The following CD34 variants were observed in gnomAD, a reference collection of about 807,000 sequenced individuals.
The protein encoded by CD34 is CD34 molecule, also known as hematopoietic progenitor cell antigen CD34.
A neutral mutation model predicts 40.1 loss-of-function variants in CD34; 34 were observed. The observed-to-expected ratio is 0.85, with a 90% confidence interval of 0.65 to 1.13. CD34 has a LOEUF of 1.13. CD34 is among the 50% of genes most tolerant of loss of function. The pLI is 0.00. For missense variants in CD34, 426 were observed against 466.9 expected (o/e 0.91, Z 0.81); for synonymous variants, 209 against 190.0 (o/e 1.10, Z -0.82).
chr1:207,901,641 A>C (rs1349289936), intron 1 of CD34, among the ~76,000 whole-genome samples: 2 of 152,238 alleles, frequency 1.3e-5, no homozygotes, highest in East Asian at 3.8e-4. Flanking sequence ...TCCCAAATTG[A>C]AACTTGGCCT....
intron 4 of CD34, 118 bp downstream of exon 4, chr1:207,897,375 A>G (rs1662171326): frequency 1.4e-6 from 1 of 733,190 alleles, no homozygotes; most frequent in South Asian, 1.7e-5. Flanking sequence ...TGACCAAGCT[A>G]AACTCCCCGG....
intron 4 of CD34, among the ~76,000 whole-genome samples, chr1:207,894,347 T>C (rs1363872685): frequency 1.3e-5 from 2 of 151,872 alleles, no homozygotes; most frequent in Non-Finnish European, 2.9e-5. Context: ...GTACCTAGAG[T>C]AGGCAAAGTC....
chr1:207,910,700 CAG>C (rs58881736), intron 1 of CD34, among the ~76,000 whole-genome samples: 21,432 of 152,052 alleles, frequency 0.14, 2,542 homozygotes, highest in African/African-American at 0.32. Flanking sequence ...CTCTGGCAAC[CAG>C]AAGAGACCCT....
intron 4 of CD34, among the ~76,000 whole-genome samples, chr1:207,894,806 C>G (rs1274872206): frequency 1.3e-5 from 2 of 151,544 alleles, no homozygotes; most frequent in Non-Finnish European, 2.9e-5. Flanking sequence ...GAGATGATGG[C>G]TGGGGAGCAA....
Position 207,883,129 on chromosome 1 carries a change from C to T in CD34, c.*4609G>A, listed in dbSNP as rs1420959837. The T allele has an allele frequency of 6.6e-6, 1 of 152,284 alleles. No individual in the cohort carries two copies. The highest frequency in any genetic ancestry group is 2.1e-4 in the South Asian group (1 of 4,824). 9.4% of individuals were successfully genotyped at this position (152,284 alleles called of 1,614,324 possible). On this transcript the variant is annotated 3_prime_UTR_variant, in exon 8 of 8. Transcript: ENST00000310833. ...ACTCTGTGGTTTAGCTTTAAACACC[C>T]TACACAAACTGTGACACCCGGATCT...
intron 6 of CD34, 137 bp downstream of exon 6, chr1:207,889,024 T>C (rs556988714): frequency 2.3e-6 from 2 of 875,132 alleles, no homozygotes; most frequent in East Asian, 4.8e-5. Flanking sequence ...CCACCATTTT[T>C]GGTTCAAGAC....
chr1:207,910,909 C>G (rs1662498674), intron 1 of CD34, 93 bp downstream of exon 1: 1 of 1,297,138 alleles, frequency 7.7e-7, no homozygotes, highest in East Asian at 2.6e-5. Flanking sequence ...TCCCTTCCCT[C>G]CGTGAGACTC....
chr1:207,887,952 A>G lies in CD34; in HGVS notation c.973-29T>C, dbSNP rs1168351788. On this transcript the variant is annotated intron_variant, in intron 7 of 7. Transcript: ENST00000310833. ...GACAGTGTATAAATAAAGTAGCATT[A>G]TCTGGTAAGCAGGGCTGTGAGACAC... The G allele has an allele frequency of 2.0e-6, 3 of 1,506,304 alleles. No homozygotes were observed. In the South Asian group the frequency reaches 3.4e-5, roughly 17 times the overall value. 93.3% of individuals were successfully genotyped at this position (1,506,304 alleles called of 1,614,324 possible).
chr1:207,893,751 C>T (rs576459349), intron 4 of CD34, among the ~76,000 whole-genome samples: 13 of 152,252 alleles, frequency 8.5e-5, no homozygotes, highest in African/African-American at 2.2e-4. Flanking sequence ...TACAAATTGG[C>T]GGACAAAGGA....
chr1:207,898,961 C>CA lies in CD34; in HGVS notation c.516+11dup. ...GAGGGGCAATCTGCCATTTTTGGCC[C>CA]AATTCACCCACCTTGATGTCACTTA... On this transcript the variant is annotated intron_variant, in intron 3 of 7. Transcript: ENST00000310833. The CA allele has an allele frequency of 6.2e-7, 1 of 1,613,310 alleles. No homozygotes were observed. Among genetic ancestry groups the CA allele is most frequent in the Non-Finnish European group, 8.5e-7 (1 of 1,179,422 alleles).
intron 1 of CD34, among the ~76,000 whole-genome samples, chr1:207,906,195 T>C (rs957728176): frequency 6.6e-6 from 1 of 152,194 alleles, no homozygotes; most frequent in Non-Finnish European, 1.5e-5. Context: ...AGATTAAATC[T>C]GTACCAGCCC....
At chr1:207,888,935 G>A in intron 6 of CD34, 89 bp from the exon 7 acceptor site, 2 of 1,307,470 alleles carry the variant, frequency 1.5e-6, no homozygotes, top group Admixed American at 3.8e-5. Context: ...ACTCAACAGT[G>A]AACAGATGCT....
rs964032324 is a variant in CD34, at chr1:207,881,175, G to A, written c.*6563C>T. 3.3e-5 allele frequency: 5 copies of A among 152,162 alleles called. No individual in the cohort carries two copies. Among genetic ancestry groups the A allele is most frequent in the Admixed American group, 6.5e-5 (1 of 15,278 alleles). 9.4% of individuals were successfully genotyped at this position (152,162 alleles called of 1,614,324 possible). On this transcript the variant is annotated 3_prime_UTR_variant, in exon 8 of 8. Transcript: ENST00000310833. ...CATATCTAGAGCCGCGGTTCTCAAA[G>A]CATGATCCAAGGTCCTCTGGGGGTT... is the stretch of plus-strand genomic sequence containing the variant.
Position 207,889,331 on chromosome 1 carries a change from G to A in CD34, c.755-118C>T, listed in dbSNP as rs987239857. On this transcript the variant is annotated intron_variant, in intron 5 of 7. Transcript: ENST00000310833. ...CAGGGTGGTCCATCTCGGGGGGACC[G>A]CTCCCAAAGCCAGCCAAGTCCTTCT... 65 of 1,541,178 alleles carry A rather than the reference G, an allele frequency of 4.2e-5. 1 individual carries two copies. In the Middle Eastern group the frequency reaches 5.2e-4, roughly 12 times the overall value.
At chr1:207,898,337 G>A (rs530115776) in intron 3 of CD34, among the ~76,000 whole-genome samples, 4 of 152,176 alleles carry the variant, frequency 2.6e-5, no homozygotes, top group East Asian at 3.9e-4. Flanking sequence ...GAGCCACCAC[G>A]CCTGGCCCTG....
chr1:207,899,761 A>C (rs1662235644), intron 2 of CD34, 60 bp downstream of exon 2: 1 of 1,466,114 alleles, frequency 6.8e-7, no homozygotes, highest in Non-Finnish European at 9.3e-7. Context: ...AAACATCCTA[A>C]ATGCTTTACC....
At chr1:207,896,396 A>G (rs1474740) in intron 4 of CD34, among the ~76,000 whole-genome samples, 35,505 of 152,214 alleles carry the variant, frequency 0.23, 4,963 homozygotes, top group Non-Finnish European at 0.33. Flanking sequence ...AAGAGGCATA[A>G]CTACTAAACA....
chr1:207,889,047 G>T, intron 6 of CD34, 114 bp downstream of exon 6: 1 of 880,782 alleles, frequency 1.1e-6, no homozygotes, highest in South Asian at 1.4e-5. Context: ...GAAAGGAGAA[G>T]ACTCAGAGAA....
chr1:207,898,576 A>G (rs1036284282), intron 3 of CD34, among the ~76,000 whole-genome samples: 1 of 152,186 alleles, frequency 6.6e-6, no homozygotes, highest in Admixed American at 6.5e-5. Flanking sequence ...CATGTAGAGG[A>G]AATGTTATTT....
Sources: allele counts gnomAD v4.1 joint callset (sites outside exome capture counted in the v4.1 genomes callset), GRCh38; gene constraint gnomAD v4.1.1; transcripts MANE v1.5; gene names NCBI Gene and HGNC (gene_info 2026-07-23, HGNC 2026-07-21).